KCNH8: variants seen among roughly 807,000 people sequenced by gnomAD.
KCNH8 encodes potassium voltage-gated channel subfamily H member 8.
A neutral mutation model predicts 103.6 loss-of-function variants in KCNH8; 70 were observed. The observed-to-expected ratio is 0.68, with a 90% CI of 0.56 to 0.82. The LOEUF (loss-of-function observed/expected upper bound fraction) is 0.82. Among genes scored for constraint, KCNH8 ranks in the 40% least tolerant of loss-of-function variants. The probability of loss-of-function intolerance (pLI) is 0.00; values close to 1 mark genes in which losing one functional copy is unlikely to be tolerated. For missense variants in KCNH8, 1,217 were observed against 1,329.9 expected (o/e 0.92, Z 1.32); for synonymous variants, 498 against 489.4 (o/e 1.02, Z -0.23).
chr3:19,364,058 G>A lies in KCNH8; in HGVS notation c.811+16093G>A, dbSNP rs376364883. 1.4e-4 allele frequency among the ~76,000 whole-genome samples: 22 copies of A among 152,036 alleles called. No individual in the cohort carries two copies. In the South Asian group the frequency reaches 1.7e-3, roughly 11 times the overall value. ...AGCTTTGATTAGTTAACATCCATTC[G>A]TCTCTTAGTGTTTGGCTCCCTCTCT... On this transcript the variant is annotated intron_variant, in intron 5 of 15. Coordinates refer to ENST00000328405, the MANE Select transcript of KCNH8 (RefSeq NM_144633.3).
chr3:19,455,087 C>T lies in KCNH8; in HGVS notation c.1826-1681C>T, dbSNP rs1047521224. ...TGAAAAAAAGCTAATGTTCTTCTTC[C>T]TCACAACAGCTGTCCAACCATAAAC... On this transcript the variant is annotated intron_variant, in intron 10 of 15. Transcript: ENST00000328405. Among the ~76,000 whole-genome samples the T allele has an allele frequency of 7.2e-5, 11 of 152,218 alleles. No homozygotes were observed. The East Asian group carries it at 2.1e-3, about 29-fold the overall frequency.
At chr3:19,496,597 G>C (rs2068446533) in intron 11 of KCNH8, among the ~76,000 whole-genome samples, 1 of 152,124 alleles carries the variant, frequency 6.6e-6, no homozygotes, top group Admixed American at 6.5e-5. Context: ...CAGTTTGCTA[G>C]TATTTTGTTG....
intron 7 of KCNH8, among the ~76,000 whole-genome samples, chr3:19,415,437 G>T: frequency 6.9e-6 from 1 of 145,180 alleles, no homozygotes; most frequent in African/African-American, 2.6e-5. Flanking sequence ...TTTATCCATG[G>T]TAATAGATAT....
At chr3:19,208,003 A>T (rs1370187318) in intron 1 of KCNH8, among the ~76,000 whole-genome samples, 1 of 152,058 alleles carries the variant, frequency 6.6e-6, no homozygotes, top group African/African-American at 2.4e-5. Context: ...AGTTAATATC[A>T]ACTGGCAATT....
At chr3:19,207,636 T>C (rs563202833) in intron 1 of KCNH8, among the ~76,000 whole-genome samples, 37 of 152,132 alleles carry the variant, frequency 2.4e-4, no homozygotes, top group African/African-American at 7.9e-4. Flanking sequence ...CTCTCACGAA[T>C]AGACATTCCA....
chr3:19,321,035 C>A (rs1245456269), intron 3 of KCNH8, among the ~76,000 whole-genome samples: 1 of 151,706 alleles, frequency 6.6e-6, no homozygotes, highest in South Asian at 2.1e-4. Context: ...GCAATATCTC[C>A]CATTTTGTTT....
chr3:19,444,924 A>G (rs1309311224), intron 8 of KCNH8, among the ~76,000 whole-genome samples: 2 of 152,006 alleles, frequency 1.3e-5, no homozygotes, highest in African/African-American at 2.4e-5. Context: ...AACTTTGTCA[A>G]CATCTACCAT....
chr3:19,310,918 G>A (rs971274856), intron 3 of KCNH8, among the ~76,000 whole-genome samples: 3 of 151,788 alleles, frequency 2.0e-5, no homozygotes, highest in Non-Finnish European at 4.4e-5. Flanking sequence ...AAAAAGGATA[G>A]CACTTGTAAC....
intron 1 of KCNH8, among the ~76,000 whole-genome samples, chr3:19,163,925 C>A (rs2063258004): frequency 6.6e-6 from 1 of 152,064 alleles, no homozygotes; most frequent in Non-Finnish European, 1.5e-5. Context: ...GTGTATAGTA[C>A]CTATAACATA....
At chr3:19,499,180 A>C (rs1317944622) in intron 11 of KCNH8, among the ~76,000 whole-genome samples, 2 of 152,334 alleles carry the variant, frequency 1.3e-5, no homozygotes, top group Admixed American at 1.3e-4. Flanking sequence ...AACTGGAAGA[A>C]AGGGTATCAG....
chr3:19,182,489 C>G (rs2063463454), intron 1 of KCNH8, among the ~76,000 whole-genome samples: 1 of 152,202 alleles, frequency 6.6e-6, no homozygotes, highest in Non-Finnish European at 1.5e-5. Context: ...CAAGATCGCG[C>G]CACTGCACTC....
intron 3 of KCNH8, among the ~76,000 whole-genome samples, chr3:19,339,474 C>G (rs909451599): frequency 6.6e-6 from 1 of 152,056 alleles, no homozygotes; most frequent in Non-Finnish European, 1.5e-5. Flanking sequence ...GTAGTAATTA[C>G]ATTTTCAAAT....
chr3:19,286,954 TTC>T (rs1472754991), intron 3 of KCNH8, among the ~76,000 whole-genome samples: 7 of 152,134 alleles, frequency 4.6e-5, no homozygotes, highest in African/African-American at 1.7e-4. Context: ...AGAAATAAGT[TTC>T]TGAGGAACAT....
At chr3:19,164,535 C>T (rs112783829) in intron 1 of KCNH8, among the ~76,000 whole-genome samples, 1,613 of 152,236 alleles carry the variant, frequency 0.011, 36 homozygotes, top group African/African-American at 0.034. Flanking sequence ...AAAAGTCACA[C>T]ATTTTGTAAG....
chr3:19,416,343 TAAAG>T lies in KCNH8; in HGVS notation c.1177+21036_1177+21039del, dbSNP rs938508737. On this transcript the variant is annotated intron_variant, in intron 7 of 15. Coordinates refer to ENST00000328405, the MANE Select transcript of KCNH8 (RefSeq NM_144633.3). The stretch of plus-strand genomic sequence containing the variant: ...CCTTATTATTTTCTAATCAAATAAA[TAAAG>T]AAATTTTATTTGGTGCTTTTTCAGA... 9.2e-5 allele frequency among the ~76,000 whole-genome samples: 14 copies of T among 152,268 alleles called. No homozygotes were observed. In the South Asian group the frequency reaches 1.4e-3, roughly 16 times the overall value.
intron 1 of KCNH8, among the ~76,000 whole-genome samples, chr3:19,208,066 G>C (rs948891266): frequency 6.6e-6 from 1 of 151,902 alleles, no homozygotes; most frequent in African/African-American, 2.4e-5. Flanking sequence ...TAAAACTCTA[G>C]CACTTACAGC....
intron 1 of KCNH8, among the ~76,000 whole-genome samples, chr3:19,225,803 A>G (rs2063923880): frequency 1.3e-5 from 2 of 152,202 alleles, no homozygotes; most frequent in Non-Finnish European, 2.9e-5. Context: ...ATTTATGTCC[A>G]CAATATGGAC....
At chr3:19,205,336 T>TCA (rs2063703997) in intron 1 of KCNH8, among the ~76,000 whole-genome samples, 1 of 152,098 alleles carries the variant, frequency 6.6e-6, no homozygotes, top group African/African-American at 2.4e-5. Flanking sequence ...TCCACTGCTT[T>TCA]GGGCAAGATG....
intron 11 of KCNH8, among the ~76,000 whole-genome samples, chr3:19,496,359 G>A (rs117410353): frequency 2.6e-5 from 4 of 152,068 alleles, no homozygotes; most frequent in Admixed American, 6.6e-5. Context: ...TTATTTTAAA[G>A]TATATTCCTT....
Sources: gnomAD v4.1 joint callset for allele counts (sites outside exome capture counted in the v4.1 genomes callset) on GRCh38, gnomAD v4.1.1 for gene constraint, MANE v1.5 for transcripts, NCBI Gene and HGNC (gene_info 2026-07-23, HGNC 2026-07-21) for gene names.